PAQR6: variants seen among roughly 807,000 people sequenced by gnomAD.
The protein encoded by PAQR6 is membrane progestin receptor delta.
A neutral mutation model predicts 36.2 loss-of-function variants in PAQR6; 34 were observed. The ratio of observed to expected loss-of-function variants is 0.94; its 90% CI spans 0.71 to 1.25. The LOEUF (loss-of-function observed/expected upper bound fraction) is 1.25, where lower values mean the gene tolerates loss of function less well. Among genes scored for constraint, PAQR6 ranks in the 50% most tolerant of loss-of-function variants. PAQR6 has a pLI of 0.00. For synonymous variants in PAQR6, 190 were observed against 190.7 expected (o/e 1.00, Z 0.03); for missense variants, 431 against 445.7 (o/e 0.97, Z 0.30).
Position 156,244,190 on chromosome 1 carries a change from C to T in PAQR6, c.974G>A (p.Ser325Asn), listed in dbSNP as rs749856144. The change falls in exon 8 of 8, where the codon AGT becomes AAT. Residue 325 changes from serine (S) to asparagine (N), a missense_variant. Transcript: ENST00000292291. ...GCCACCCTGCAGCAGAGGGCATGTA[C>T]TGGGGGCCCGAAGCAGGGTGGCTGT... Reference protein sequence around the residue: ...AFTATLLRAPSTCPLLQGGPL... With the variant: ...AFTATLLRAPNTCPLLQGGPL... The T allele has an allele frequency of 9.3e-6, 15 of 1,612,710 alleles. No individual in the cohort carries two copies. Among genetic ancestry groups the T allele is most frequent in the Non-Finnish European group, 1.3e-5 (15 of 1,179,128 alleles).
rs1167265763 is a variant in PAQR6, at chr1:156,245,141, C to T, written c.609+1G>A. 3 of 1,612,758 alleles carry T rather than the reference C, an allele frequency of 1.9e-6. No individual in the cohort carries two copies. Among genetic ancestry groups the T allele is most frequent in the Non-Finnish European group, 1.7e-6 (2 of 1,179,130 alleles). On this transcript the variant is annotated splice_donor_variant, in intron 6 of 7. Transcript: ENST00000292291. LOFTEE classifies it high-confidence loss of function. Reference sequence around the variant, plus strand: ...TGGGCAGGGGCCCTAGGCCTCCTTACCCGATAAAAGAGTGGGAGGTTGTCG... The same window carrying T: ...TGGGCAGGGGCCCTAGGCCTCCTTATCCGATAAAAGAGTGGGAGGTTGTCG...
At position 156,243,812 on chromosome 1, in the gene PAQR6, G is replaced by A. The variant is rs775809055; in HGVS notation, c.*317C>T. The A allele has an allele frequency of 6.6e-6, 10 of 1,525,150 alleles. No homozygotes were observed. The South Asian group carries it at 1.3e-4, about 19-fold the overall frequency. 94.5% of individuals were successfully genotyped at this position (1,525,150 alleles called of 1,614,324 possible). ...CACCAGAAACGGAGCCAGATGAAAG[G>A]ACCCCAACACCTCCCCCCGCCAACC... is the stretch of plus-strand genomic sequence containing the variant. On this transcript the variant is annotated 3_prime_UTR_variant, in exon 8 of 8. Coordinates refer to ENST00000292291, the MANE Select transcript of PAQR6 (RefSeq NM_198406.3).
Position 156,243,879 on chromosome 1 carries a change from C to A in PAQR6, c.*250G>T. The A allele has an allele frequency of 6.2e-7, 1 of 1,604,610 alleles. No homozygotes were observed. Among genetic ancestry groups the A allele is most frequent in the Non-Finnish European group, 8.5e-7 (1 of 1,173,010 alleles). ...GGCATCTTCAGCCTGGACACGCATG[C>A]ATCTCCCCTCTCAGACCCTCAGCAC... is the stretch of plus-strand genomic sequence containing the variant. On this transcript the variant is annotated 3_prime_UTR_variant, in exon 8 of 8. Coordinates refer to ENST00000292291, the MANE Select transcript of PAQR6 (RefSeq NM_198406.3).
rs1229404277 is a variant in PAQR6, at chr1:156,244,341, CTGCCT to C, written c.818_822del (p.Glu273GlyfsTer4). The C allele has an allele frequency of 1.9e-6, 3 of 1,592,740 alleles. No homozygotes were observed. Among genetic ancestry groups the C allele is most frequent in the Admixed American group, 1.8e-5 (1 of 56,984 alleles). On this transcript the variant is annotated frameshift_variant, in exon 8 of 8. Coordinates refer to ENST00000292291, the MANE Select transcript of PAQR6 (RefSeq NM_198406.3). LOFTEE classifies it high-confidence loss of function. Reference sequence around the variant, plus strand: ...CTGCGTGATCCCATATCAGCCAGCACTGCCTCCAGCTGGAAGTGGGTGCCCAGCAC... The same window carrying C: ...CTGCGTGATCCCATATCAGCCAGCACCCAGCTGGAAGTGGGTGCCCAGCAC...
chr1:156,246,274 G>A, intron 2 of PAQR6, 24 bp from the exon 3 acceptor site: 1 of 1,585,828 alleles, frequency 6.3e-7, no homozygotes, highest in Admixed American at 1.7e-5. Flanking sequence ...GGGAGAGGAA[G>A]GGCGTCACTG....
chr1:156,245,895 G>T lies in PAQR6; in HGVS notation c.272C>A (p.Ala91Asp). 6.3e-7 allele frequency: 1 copy of T among 1,586,552 alleles called. No individual in the cohort carries two copies. The highest frequency in any genetic ancestry group is 8.6e-7 in the Non-Finnish European group (1 of 1,167,668). The change falls in exon 4 of 8, where the codon GCC (alanine) becomes GAC (aspartate). Residue 91 changes from alanine to aspartate, a missense_variant. Transcript: ENST00000292291. ...GCACGACGCGAAGGGGTAGAGGCAG[G>T]CGGGCAGCAGGAAGACCAGCAGCGG... ...HWPLLVFLLP[A>D]CLYPFASCCA...
At chr1:156,244,563 A>G (rs1429803352) in intron 7 of PAQR6, 160 bp from the exon 8 acceptor site, 3 of 1,386,132 alleles carry the variant, frequency 2.2e-6, no homozygotes, top group Non-Finnish European at 2.9e-6. Context: ...CCCAGCACAC[A>G]TGCTACTAGT....
rs772070630 is a variant in PAQR6, at chr1:156,243,988, T to A, written c.*141A>T. ...TAGACACCCCTCCTCTTCTCTGCCC[T>A]CTCTCCTGTGCCCTCTCTCCTCAGC... On this transcript the variant is annotated 3_prime_UTR_variant, in exon 8 of 8. Coordinates refer to ENST00000292291, the MANE Select transcript of PAQR6 (RefSeq NM_198406.3). 4.3e-6 allele frequency: 7 copies of A among 1,613,954 alleles called. No individual in the cohort carries two copies. The East Asian group carries it at 1.6e-4, about 36-fold the overall frequency.
chr1:156,245,440 T>A, intron 5 of PAQR6, 95 bp downstream of exon 5: 1 of 1,546,324 alleles, frequency 6.5e-7, no homozygotes, highest in Non-Finnish European at 8.8e-7. Context: ...CAGTACATGG[T>A]CCCGATGCCT....
chr1:156,244,258 C>T lies in PAQR6; in HGVS notation c.906G>A (p.Leu302=). 1 of 1,613,680 alleles carries T rather than the reference C, an allele frequency of 6.2e-7. No homozygotes were observed. The highest frequency in any genetic ancestry group is 8.5e-7 in the Non-Finnish European group (1 of 1,180,018). Residue 302 remains leucine (L), a synonymous_variant, in exon 8 of 8, where the codon CTG becomes CTA. Transcript: ENST00000292291. ...GTAGGTTCCCAGCTGCAGCCAAGAC[C>T]AGTGTGGCCACTGTGCCTGCCAGGC... ...ALGLAGTVAT[L]VLAAAGNLLI...
chr1:156,247,599 C>CA (rs1163657541), intron 1 of PAQR6: 2 of 156,418 alleles, frequency 1.3e-5, no homozygotes, highest in African/African-American at 4.8e-5. Flanking sequence ...GTCACTCCCC[C>CA]AGCCTCTGCC....
rs762301843 is a variant in PAQR6, at chr1:156,243,797, G to A, written c.*332C>T. On this transcript the variant is annotated 3_prime_UTR_variant, in exon 8 of 8. Transcript: ENST00000292291. ...AGAGACTTCCAGAAGCACCAGAAACGGAGCCAGATGAAAGGACCCCAACAC... is the reference window on the plus strand; with the variant it reads ...AGAGACTTCCAGAAGCACCAGAAACAGAGCCAGATGAAAGGACCCCAACAC... The A allele has an allele frequency of 4.3e-5, 65 of 1,506,484 alleles. No homozygotes were observed. Among genetic ancestry groups the A allele is most frequent in the Non-Finnish European group, 4.9e-5 (55 of 1,124,480 alleles). 93.3% of individuals were successfully genotyped at this position (1,506,484 alleles called of 1,614,324 possible). A position where few individuals can be genotyped will look rare whatever the true frequency, so the allele number is the denominator to read the frequency against.
At chr1:156,245,285 T>C in intron 5 of PAQR6, 47 bp from the exon 6 acceptor site, 2 of 1,555,318 alleles carry the variant, frequency 1.3e-6, no homozygotes, top group Non-Finnish European at 1.8e-6. Flanking sequence ...GTGCTTGGGG[T>C]AGGGGTCAGA....
At position 156,246,785 on chromosome 1, in the gene PAQR6, A is replaced by C; in HGVS notation, c.-25-29T>G. 3.8e-6 allele frequency: 6 copies of C among 1,579,070 alleles called. No homozygotes were observed. The South Asian group carries it at 6.8e-5, about 18-fold the overall frequency. ...GAGACAGAGTGGGAGGTAGGGGATC[A>C]GATAACTGCCCCCATCCACAGGCCC... On this transcript the variant is annotated intron_variant, in intron 1 of 7. Transcript: ENST00000292291.
Position 156,245,659 on chromosome 1 carries a change from A to G in PAQR6, c.388T>C (p.Cys130Arg). The change falls in exon 5 of 8, where the codon TGC becomes CGC. Residue 130 changes from cysteine to arginine, a missense_variant and splice_region_variant. Transcript: ENST00000292291. Reference sequence around the variant, plus strand: ...GAGTAGGCGGCATAGGGGAAGGCGCAGCCTGCGGTGAGGTGGGGGCGTGCA... The same window carrying G: ...GAGTAGGCGGCATAGGGGAAGGCGCGGCCTGCGGTGAGGTGGGGGCGTGCA... ...YGALSLYSLG[C>R]AFPYAAYSMP... The G allele has an allele frequency of 3.7e-6, 6 of 1,612,560 alleles. No homozygotes were observed. The South Asian group carries it at 6.6e-5, about 18-fold the overall frequency.
In PAQR6 at chr1:156,244,744, G is replaced by T. The variant is rs762756732; in HGVS notation, c.760+17C>A. 2 of 1,613,806 alleles carry T rather than the reference G, an allele frequency of 1.2e-6. No individual in the cohort carries two copies. The highest frequency in any genetic ancestry group is 1.1e-5 in the South Asian group (1 of 91,090). On this transcript the variant is annotated intron_variant, in intron 7 of 7. Transcript: ENST00000292291. ...CTGCCCCTGCCTCTTCCCGGGCCGG[G>T]CCAGGCGTGCCCTCACCGATGTAAT...
chr1:156,243,528 C>T lies in PAQR6; in HGVS notation c.*601G>A, dbSNP rs1296317603. The T allele has an allele frequency of 2.1e-6, 1 of 475,306 alleles. No individual in the cohort carries two copies. The highest frequency in any genetic ancestry group is 3.7e-6 in the Non-Finnish European group (1 of 268,548). 29.4% of individuals were successfully genotyped at this position (475,306 alleles called of 1,614,324 possible). ...CCCTCTAGCCTAGGACCCTCCTCCC[C>T]ACACCTCAATCCACCAAACCATCCA... is the stretch of plus-strand genomic sequence containing the variant. On this transcript the variant is annotated 3_prime_UTR_variant, in exon 8 of 8. Transcript: ENST00000292291.
intron 1 of PAQR6, chr1:156,247,593 C>A (rs1298394309): frequency 1.3e-5 from 2 of 154,914 alleles, no homozygotes; most frequent in African/African-American, 2.4e-5. Flanking sequence ...CCAGCAGTCA[C>A]TCCCCCAGCC....
Position 156,246,755 on chromosome 1 carries a change from A to G in PAQR6, c.-24T>C, listed in dbSNP as rs992484127. 11 of 1,611,798 alleles carry G rather than the reference A, an allele frequency of 6.8e-6. No homozygotes were observed. The highest frequency in any genetic ancestry group is 1.7e-5 in the Admixed American group (1 of 59,714). On this transcript the variant is annotated splice_region_variant and 5_prime_UTR_variant, in exon 2 of 8. Coordinates refer to ENST00000292291, the MANE Select transcript of PAQR6 (RefSeq NM_198406.3). Reference sequence around the variant, plus strand: ...ATGGTGGCCTGGTACCTCCACGTTGACCTAGAGACAGAGTGGGAGGTAGGG... The same window carrying G: ...ATGGTGGCCTGGTACCTCCACGTTGGCCTAGAGACAGAGTGGGAGGTAGGG...
Sources: allele counts gnomAD v4.1 joint callset, GRCh38; gene constraint gnomAD v4.1.1; transcripts MANE v1.5; gene names NCBI Gene and HGNC (gene_info 2026-07-23, HGNC 2026-07-21).